PADI4: variants seen among roughly 807,000 people sequenced by gnomAD.
PADI4 encodes protein-arginine deiminase type-4.
PADI4 carries 62 observed loss-of-function variants against 75.0 expected under a neutral mutation model. The observed-to-expected ratio is 0.83, with a 90% CI of 0.67 to 1.02. PADI4 has a LOEUF of 1.02. Among genes scored for constraint, PADI4 ranks in the 50% least tolerant of loss-of-function variants. The pLI is 0.00. For missense variants in PADI4, 845 were observed against 850.5 expected (o/e 0.99, Z 0.08); for synonymous variants, 361 against 348.1 (o/e 1.04, Z -0.41).
intron 13 of PADI4, among the ~76,000 whole-genome samples, chr1:17,357,801 G>A (rs1256181037): frequency 6.6e-6 from 1 of 151,528 alleles, no homozygotes; most frequent in Admixed American, 6.6e-5. Context: ...CGTGGTGGCG[G>A]GTGCCTGTAA....
At chr1:17,355,127 C>A (rs2074737882) in intron 11 of PADI4, among the ~76,000 whole-genome samples, 2 of 152,146 alleles carry the variant, frequency 1.3e-5, no homozygotes, top group African/African-American at 2.4e-5. Context: ...TGAACTGAGG[C>A]CTAATGACAG....
chr1:17,321,848 T>C (rs2074036360), intron 1 of PADI4, among the ~76,000 whole-genome samples: 1 of 152,118 alleles, frequency 6.6e-6, no homozygotes, highest in Admixed American at 6.5e-5. Context: ...CTGAAGATGA[T>C]TTTGAGGCCT....
At chr1:17,355,299 C>A (rs970756219) in intron 11 of PADI4, among the ~76,000 whole-genome samples, 2 of 152,188 alleles carry the variant, frequency 1.3e-5, no homozygotes, top group African/African-American at 4.8e-5. Context: ...CACCTGTAAT[C>A]CCAGCACTTT....
intron 10 of PADI4, chr1:17,348,838 C>T (rs1328639048): frequency 1.3e-5 from 2 of 152,240 alleles, no homozygotes; most frequent in Non-Finnish European, 2.9e-5. Flanking sequence ...CCCAGGAAGA[C>T]CCCAGGCCTG....
chr1:17,344,887 C>G (rs11587827), intron 8 of PADI4, among the ~76,000 whole-genome samples: 84,298 of 152,134 alleles, frequency 0.55, 23,523 homozygotes, highest in Middle Eastern at 0.59. Context: ...AGCCCCCACA[C>G]AGAGTCCCTA....
At chr1:17,339,389 A>G (rs1249990288) in intron 5 of PADI4, among the ~76,000 whole-genome samples, 1 of 152,186 alleles carries the variant, frequency 6.6e-6, no homozygotes, top group African/African-American at 2.4e-5. Flanking sequence ...TAGGTTCAAG[A>G]TTCAGGGAAC....
intron 1 of PADI4, among the ~76,000 whole-genome samples, chr1:17,330,569 G>C (rs1359303): frequency 6.6e-6 from 1 of 151,880 alleles, no homozygotes; most frequent in African/African-American, 2.4e-5. Flanking sequence ...ACTGGAGCAA[G>C]TCCCAGAGTC....
At chr1:17,316,707 AAATTAATT>A (rs71305228) in intron 1 of PADI4, among the ~76,000 whole-genome samples, 4 of 148,212 alleles carry the variant, frequency 2.7e-5, no homozygotes, top group Admixed American at 6.7e-5. Flanking sequence ...ATAAATAAAT[AAATTAATT>A]AATTAATTAA....
rs772983532 is a variant in PADI4 at position 17,338,194 on chromosome 1, T to G, written c.526+39T>G. The G allele has an allele frequency of 5.3e-6, 7 of 1,321,424 alleles. No homozygotes were observed. In the East Asian group the frequency reaches 1.6e-4, roughly 31 times the overall value. The allele number at this position is 1,321,424 out of a possible 1,614,324, so 81.9% of individuals were successfully genotyped here. ...GCTAGCTAACGGGAAGGGCTTTTTA[T>G]AAAGCCCTTTTGCCCACATAGCCTG... On this transcript the variant is annotated intron_variant, in intron 5 of 15. Transcript: ENST00000375448.
In PADI4 at chr1:17,347,990, T is replaced by C. The variant is rs574906391; in HGVS notation, c.1097T>C (p.Val366Ala). The C allele has an allele frequency of 6.2e-7, 1 of 1,607,928 alleles. No homozygotes were observed. The highest frequency in any genetic ancestry group is 1.7e-5 in the Admixed American group (1 of 59,698). Residue 366 changes from valine (V) to alanine (A), a missense_variant, in exon 10 of 16, where the codon GTG becomes GCG. Val to Ala is a moderately conservative substitution (Grantham distance 64, BLOSUM62 0). Coordinates refer to ENST00000375448, the MANE Select transcript of PADI4 (RefSeq NM_012387.3). Reference sequence around the variant, plus strand: ...CAAGCCCCACACAAAACGCTGCCCGTGGTCTTCGACTCTCCAAGGAACAGA... The same window carrying C: ...CAAGCCCCACACAAAACGCTGCCCGCGGTCTTCGACTCTCCAAGGAACAGA... The part of the protein sequence containing the change: ...YIQAPHKTLP[V>A]VFDSPRNRGL...
chr1:17,345,166 A>G (rs1337768291), intron 8 of PADI4, among the ~76,000 whole-genome samples: 1 of 152,148 alleles, frequency 6.6e-6, no homozygotes, highest in Non-Finnish European at 1.5e-5. Context: ...TTAAAATTTG[A>G]CTGCCCTGCT....
At chr1:17,309,525 C>G (rs1362068968) in intron 1 of PADI4, among the ~76,000 whole-genome samples, 1 of 152,052 alleles carries the variant, frequency 6.6e-6, no homozygotes, top group Non-Finnish European at 1.5e-5. Context: ...GCCAGTGAAT[C>G]TAAATAATAA....
chr1:17,334,307 A>ATT (rs34965359), intron 3 of PADI4: 163,949 of 338,486 alleles, frequency 0.48, 29,591 homozygotes, highest in African/African-American at 0.53. Flanking sequence ...ATCTCCATTA[A>ATT]TTTTTTTTTT....
chr1:17,325,674 T>C (rs1475518284), intron 1 of PADI4, among the ~76,000 whole-genome samples: 1 of 151,702 alleles, frequency 6.6e-6, no homozygotes, highest in Non-Finnish European at 1.5e-5. Context: ...ATCCACACAA[T>C]GTTAAAAAGA....
intron 10 of PADI4, 121 bp downstream of exon 10, chr1:17,348,169 G>A: frequency 1.8e-6 from 1 of 557,948 alleles, no homozygotes; most frequent in Non-Finnish European, 3.2e-6. Flanking sequence ...CAAGGAGGTG[G>A]AATTCCTACC....
chr1:17,350,265 T>C (rs1330719063), intron 10 of PADI4, among the ~76,000 whole-genome samples: 1 of 128,974 alleles, frequency 7.8e-6, no homozygotes, highest in Admixed American at 8.7e-5. Flanking sequence ...GTCAGTAAAT[T>C]TTCTATCACC....
chr1:17,338,294 G>A, intron 5 of PADI4, 139 bp downstream of exon 5: 1 of 626,916 alleles, frequency 1.6e-6, no homozygotes, highest in Non-Finnish European at 2.9e-6. Context: ...TATAGGTGAA[G>A]CAATGGGCAA....
At chr1:17,317,208 G>A (rs562539052) in intron 1 of PADI4, among the ~76,000 whole-genome samples, 1 of 152,258 alleles carries the variant, frequency 6.6e-6, no homozygotes, top group South Asian at 2.1e-4. Flanking sequence ...TTACAGGCAT[G>A]AGCCACCATG....
At chr1:17,324,131 AT>A (rs2074079217) in intron 1 of PADI4, among the ~76,000 whole-genome samples, 18 of 150,880 alleles carry the variant, frequency 1.2e-4, no homozygotes, top group Admixed American at 1.3e-4. Context: ...GGGCTGGCTA[AT>A]AACACCAAGT....
Sources: gnomAD v4.1 joint callset for allele counts (sites outside exome capture counted in the v4.1 genomes callset) on GRCh38, gnomAD v4.1.1 for gene constraint, MANE v1.5 for transcripts, NCBI Gene and HGNC (gene_info 2026-07-23, HGNC 2026-07-21) for gene names.